The following JPH3 variants were observed in gnomAD, a reference collection of about 807,000 sequenced individuals.
The protein encoded by JPH3 is junctophilin-3.
JPH3 carries 11 observed loss-of-function variants against 59.6 expected under a neutral mutation model. That is an observed-to-expected ratio of 0.18 (90% confidence interval 0.12 to 0.31). The LOEUF is 0.31. Ranked by LOEUF, JPH3 falls within the 10% of genes least tolerant of loss-of-function variation. The probability of loss-of-function intolerance (pLI) is 1.00; values close to 1 mark genes in which losing one functional copy is unlikely to be tolerated. For synonymous variants in JPH3, 673 were observed against 483.6 expected, an observed-to-expected ratio of 1.39 and a Z score of -5.14; for missense variants, 1,202 against 1,105.7, an observed-to-expected ratio of 1.09 and a Z score of -1.24.
rs146154156 is a variant in JPH3, at chr16:87,634,800, C to G, written c.383-9458C>G. ...GGGCTTTGGGGTTGGGCCTCAGCCC[C>G]GAGTGGGCAGGCACAGCATGGGACT... is the stretch of plus-strand genomic sequence containing the variant. On this transcript the variant is annotated intron_variant, in intron 1 of 4. Coordinates refer to ENST00000284262, the MANE Select transcript of JPH3 (RefSeq NM_020655.4). 2.9e-3 allele frequency among the ~76,000 whole-genome samples: 447 copies of G among 152,324 alleles called. 5 individuals are homozygous for G. Among genetic ancestry groups the G allele is most frequent in the African/African-American group, 0.01 (429 of 41,580 alleles).
intron 2 of JPH3, among the ~76,000 whole-genome samples, chr16:87,679,367 C>T (rs559875704): frequency 6.6e-6 from 1 of 152,320 alleles, no homozygotes; most frequent in African/African-American, 2.4e-5. Context: ...TGATCGCAGA[C>T]CTCCTGTCTT....
In JPH3 at chr16:87,676,082, C is replaced by T. The variant is rs372598998; in HGVS notation, c.1161-8060C>T. On this transcript the variant is annotated intron_variant, in intron 2 of 4. Coordinates refer to ENST00000284262, the MANE Select transcript of JPH3 (RefSeq NM_020655.4). ...TAAAGTTAGATCACGATGGTGGTGA[C>T]CCGCCTCAGTAAATGTGCTAAAAAC... 2.0e-5 allele frequency among the ~76,000 whole-genome samples: 3 copies of T among 152,244 alleles called. 1 individual carries two copies. Among genetic ancestry groups the T allele is most frequent in the East Asian group, 1.9e-4 (1 of 5,198 alleles).
At chr16:87,675,825 T>C (rs8062175) in intron 2 of JPH3, among the ~76,000 whole-genome samples, 11,832 of 152,272 alleles carry the variant, frequency 0.078, 559 homozygotes, top group South Asian at 0.16. Context: ...AGGACCACTA[T>C]TCCTCACCTT....
intron 2 of JPH3, among the ~76,000 whole-genome samples, chr16:87,664,698 G>A (rs1057111794): frequency 6.6e-6 from 1 of 152,216 alleles, no homozygotes; most frequent in African/African-American, 2.4e-5. Context: ...GAGCTCCACG[G>A]TGAGCCACCC....
chr16:87,688,521 G>T (rs2033473755), intron 3 of JPH3, among the ~76,000 whole-genome samples: 1 of 152,082 alleles, frequency 6.6e-6, no homozygotes, highest in South Asian at 2.1e-4. Context: ...AGGTCAGACT[G>T]GGGTACAGGC....
At chr16:87,606,474 A>G (rs2030525706) in intron 1 of JPH3, among the ~76,000 whole-genome samples, 1 of 152,160 alleles carries the variant, frequency 6.6e-6, no homozygotes, top group Admixed American at 6.5e-5. Flanking sequence ...TACCGTCTGC[A>G]TGGTGAGGCC....
At position 87,690,551 on chromosome 16, in the gene JPH3, T is replaced by C; in HGVS notation, c.2166+25T>C. The C allele has an allele frequency of 2.1e-6, 3 of 1,448,386 alleles. No homozygotes were observed. The East Asian group carries it at 7.6e-5, about 37-fold the overall frequency. The allele number at this position is 1,448,386 out of a possible 1,614,324, so 89.7% of individuals were successfully genotyped here. On this transcript the variant is annotated intron_variant, in intron 4 of 4. Coordinates refer to ENST00000284262, the MANE Select transcript of JPH3 (RefSeq NM_020655.4). ...GGTGAGTGGGCGGCCACCAGGCTGGTCCCAGTGGAGGCAACATCCACCTCT... is the reference window on the plus strand; with the variant it reads ...GGTGAGTGGGCGGCCACCAGGCTGGCCCCAGTGGAGGCAACATCCACCTCT...
At chr16:87,619,132 A>G (rs1397764543) in intron 1 of JPH3, among the ~76,000 whole-genome samples, 1 of 151,634 alleles carries the variant, frequency 6.6e-6, no homozygotes, top group African/African-American at 2.4e-5. Context: ...CCTGGGCAAC[A>G]TGGCAAAACC....
intron 2 of JPH3, among the ~76,000 whole-genome samples, chr16:87,647,264 G>A (rs2032183617): frequency 6.6e-6 from 1 of 151,986 alleles, no homozygotes; most frequent in Non-Finnish European, 1.5e-5. Flanking sequence ...GCCGGGGCCA[G>A]GGTGGGGTGG....
At chr16:87,640,640 G>A (rs777645928) in intron 1 of JPH3, among the ~76,000 whole-genome samples, 1 of 152,046 alleles carries the variant, frequency 6.6e-6, no homozygotes, top group Admixed American at 6.5e-5. Flanking sequence ...TGATCTGCTC[G>A]CCTCGGCCTC....
At chr16:87,623,140 G>C (rs1340774845) in intron 1 of JPH3, among the ~76,000 whole-genome samples, 1 of 152,218 alleles carries the variant, frequency 6.6e-6, no homozygotes, top group East Asian at 1.9e-4. Context: ...TGCCCAGCCA[G>C]CCTGGGTTCC....
intron 2 of JPH3, among the ~76,000 whole-genome samples, chr16:87,671,407 C>T (rs978517411): frequency 6.6e-6 from 1 of 152,200 alleles, no homozygotes; most frequent in Non-Finnish European, 1.5e-5. Context: ...GATGACAGCA[C>T]CAGGCTCATG....
chr16:87,647,989 C>T (rs1353860064), intron 2 of JPH3, among the ~76,000 whole-genome samples: 4 of 152,146 alleles, frequency 2.6e-5, no homozygotes, highest in Non-Finnish European at 5.9e-5. Flanking sequence ...TGAAGGGGGG[C>T]GGGGCTCCCT....
chr16:87,659,495 G>A lies in JPH3; in HGVS notation c.1160+14460G>A, dbSNP rs1474011547. 2.7e-4 allele frequency among the ~76,000 whole-genome samples: 41 copies of A among 152,146 alleles called. 1 individual carries two copies. Among genetic ancestry groups the A allele is most frequent in the Admixed American group, 2.7e-3 (41 of 15,282 alleles). ...TCCCAGCACTGGGAGGTTGAGGTGG[G>A]TGAATCACTTGAGGTCAGGAGTTCT... On this transcript the variant is annotated intron_variant, in intron 2 of 4. Coordinates refer to ENST00000284262, the MANE Select transcript of JPH3 (RefSeq NM_020655.4).
At chr16:87,604,277 C>G (rs539856127) in intron 1 of JPH3, 1 of 1,404,128 alleles carries the variant, frequency 7.1e-7, no homozygotes, top group African/African-American at 1.6e-5. Flanking sequence ...GGCCGGAAGC[C>G]AGGGAGCTGC....
At chr16:87,615,858 C>G (rs1046096971) in intron 1 of JPH3, among the ~76,000 whole-genome samples, 1 of 152,176 alleles carries the variant, frequency 6.6e-6, no homozygotes. Context: ...GGGTCAGCCC[C>G]GGGCACAGCA....
chr16:87,642,167 A>G (rs951341656), intron 1 of JPH3, among the ~76,000 whole-genome samples: 4 of 148,334 alleles, frequency 2.7e-5, no homozygotes, highest in Non-Finnish European at 4.4e-5. Context: ...TTGAGGCTAC[A>G]GGACTTTGAA....
chr16:87,635,799 TCA>T (rs2031721649), intron 1 of JPH3, among the ~76,000 whole-genome samples: 2 of 152,192 alleles, frequency 1.3e-5, no homozygotes, highest in Admixed American at 1.3e-4. Flanking sequence ...ACTTCCTCTC[TCA>T]GTGTTTGGGC....
intron 2 of JPH3, 69 bp downstream of exon 2, chr16:87,645,104 G>T (rs901266097): frequency 1.4e-6 from 2 of 1,476,350 alleles, no homozygotes; most frequent in African/African-American, 1.4e-5. Context: ...AGTCTGTTCA[G>T]TCCTGCTGTC....
Sources: allele counts gnomAD v4.1 joint callset (sites outside exome capture counted in the v4.1 genomes callset), GRCh38; gene constraint gnomAD v4.1.1; transcripts MANE v1.5; gene names NCBI Gene and HGNC (gene_info 2026-07-23, HGNC 2026-07-21).